Variants in TMPRSS7 observed in about 807,000 individuals in gnomAD.
TMPRSS7 encodes the protein transmembrane serine protease 7.
Under a neutral mutation model 95.6 loss-of-function variants are expected in TMPRSS7, and 81 were observed. The ratio of observed to expected loss-of-function variants is 0.85; its 90% CI spans 0.71 to 1.02. The LOEUF is 1.02. Among genes scored for constraint, TMPRSS7 ranks in the 50% least tolerant of loss-of-function variants. The pLI is 0.00. For synonymous variants in TMPRSS7, 364 were observed against 337.8 expected (o/e 1.08, Z -0.85); for missense variants, 945 against 955.2 (o/e 0.99, Z 0.14).
intron 1 of TMPRSS7, among the ~76,000 whole-genome samples, chr3:112,036,283 C>T (rs2073149458): frequency 6.6e-6 from 1 of 152,092 alleles, no homozygotes; most frequent in Non-Finnish European, 1.5e-5. Context: ...ACTAAAAGGA[C>T]TGTGGACAGG....
intron 10 of TMPRSS7, among the ~76,000 whole-genome samples, chr3:112,060,694 A>G (rs886833398): frequency 6.6e-6 from 1 of 152,174 alleles, no homozygotes; most frequent in East Asian, 1.9e-4. Context: ...TCAAACACAC[A>G]TGCTCTACAA....
intron 1 of TMPRSS7, among the ~76,000 whole-genome samples, chr3:112,035,487 C>T (rs2073144804): frequency 6.6e-6 from 1 of 151,868 alleles, no homozygotes; most frequent in Non-Finnish European, 1.5e-5. Context: ...TACGTGGCCA[C>T]GTATTATCCC....
intron 6 of TMPRSS7, 135 bp from the exon 7 acceptor site, chr3:112,047,604 G>A: frequency 1.5e-6 from 1 of 682,508 alleles, no homozygotes; most frequent in Admixed American, 2.3e-5. Context: ...CAGAAGGCAG[G>A]GAAGTGGACC....
exon 2 of TMPRSS7, chr3:112,038,158 G>GCCAGGGAGACGACTACCATTT: frequency 1.4e-6 from 1 of 702,808 alleles, no homozygotes; most frequent in Non-Finnish European, 2.6e-6. Context: ...GACTACCATT[G>GCCAGGGAGACGACTACCATTT]CCAGGAAGAC....
intron 13 of TMPRSS7, among the ~76,000 whole-genome samples, chr3:112,074,018 C>T (rs955048572): frequency 6.6e-6 from 1 of 152,166 alleles, no homozygotes; most frequent in Non-Finnish European, 1.5e-5. Flanking sequence ...ACTGATATGT[C>T]GCACTTCTTC....
intron 13 of TMPRSS7, among the ~76,000 whole-genome samples, chr3:112,072,565 C>G (rs2073662884): frequency 6.6e-6 from 1 of 152,244 alleles, no homozygotes; most frequent in Admixed American, 6.5e-5. Context: ...CAGCTATGCC[C>G]TGCCCACAGA....
intron 15 of TMPRSS7, 104 bp from the exon 16 acceptor site, chr3:112,076,771 AG>A: frequency 7.5e-7 from 1 of 1,339,924 alleles, no homozygotes; most frequent in Admixed American, 2.1e-5. Context: ...ACACCCTGGA[AG>A]TCAGGCCCTT....
At chr3:112,063,486 T>G in intron 11 of TMPRSS7, 39 bp from the exon 12 acceptor site, 1 of 1,512,202 alleles carries the variant, frequency 6.6e-7, no homozygotes, top group Non-Finnish European at 9.2e-7. Context: ...CAGGGATCTA[T>G]CCAAGATTTT....
chr3:112,048,076 C>A, intron 7 of TMPRSS7, 109 bp downstream of exon 7: 1 of 955,212 alleles, frequency 1.0e-6, no homozygotes, highest in African/African-American at 1.6e-5. Context: ...TTTGTGTGCA[C>A]ACATGAGGTC....
chr3:112,055,020 G>T (rs901860733), intron 9 of TMPRSS7, among the ~76,000 whole-genome samples: 1 of 152,062 alleles, frequency 6.6e-6, no homozygotes, highest in African/African-American at 2.4e-5. Flanking sequence ...GATGACAGGC[G>T]TGAGCCACTG....
At chr3:112,080,396 C>T (rs1325454007) in intron 17 of TMPRSS7, among the ~76,000 whole-genome samples, 2 of 152,136 alleles carry the variant, frequency 1.3e-5, no homozygotes. Flanking sequence ...ATGAGCTAAC[C>T]ACTAAAGTTG....
rs765369377 is a variant in TMPRSS7 at position 112,047,916 on chromosome 3, C to G, written c.908C>G (p.Ser303Cys). Residue 303 changes from serine to cysteine, a missense_variant, in exon 7 of 18, where the codon TCC (serine) becomes TGC (cysteine). Coordinates refer to ENST00000452346, the Ensembl canonical transcript of TMPRSS7. ...GAAGCCGACAACTGTGTCACTGACT[C>G]CCTGACCATTTACGACTCCCTTTTG... 19 of 1,613,948 alleles carry G rather than the reference C, an allele frequency of 1.2e-5. No individual in the cohort carries two copies. Among genetic ancestry groups the G allele is most frequent in the Non-Finnish European group, 1.5e-5 (18 of 1,180,012 alleles).
intron 15 of TMPRSS7, 61 bp downstream of exon 15, chr3:112,075,553 C>G: frequency 1.5e-6 from 2 of 1,296,210 alleles, no homozygotes; most frequent in Non-Finnish European, 2.0e-6. Context: ...ATATATCTGC[C>G]CTCAAATTGT....
intron 4 of TMPRSS7, 123 bp downstream of exon 4, chr3:112,044,445 C>T (rs1239635096): frequency 2.5e-6 from 2 of 810,382 alleles, no homozygotes; most frequent in Non-Finnish European, 4.1e-6. Context: ...GGGATTCATA[C>T]TGTATTAGCA....
At chr3:112,042,095 G>A (rs761085408) in intron 3 of TMPRSS7, 45 bp downstream of exon 3, 41 of 1,484,168 alleles carry the variant, frequency 2.8e-5, no homozygotes, top group Admixed American at 7.9e-5. Flanking sequence ...GTGGGTTTGC[G>A]GGGAGGTGGG....
chr3:112,064,877 A>C (rs780989515), intron 12 of TMPRSS7, among the ~76,000 whole-genome samples: 6 of 152,190 alleles, frequency 3.9e-5, no homozygotes, highest in African/African-American at 7.2e-5. Context: ...ACTATGTGAC[A>C]CCATTGGCAG....
chr3:112,061,111 T>C (rs2073499135), intron 10 of TMPRSS7, among the ~76,000 whole-genome samples: 1 of 152,154 alleles, frequency 6.6e-6, no homozygotes, highest in Non-Finnish European at 1.5e-5. Flanking sequence ...GGCGGTGGAC[T>C]AACTTACGGG....
At chr3:112,073,503 T>C (rs922228766) in intron 13 of TMPRSS7, among the ~76,000 whole-genome samples, 1 of 152,188 alleles carries the variant, frequency 6.6e-6, no homozygotes, top group Non-Finnish European at 1.5e-5. Context: ...TGATGAGCAT[T>C]TTTTCATGTG....
intron 5 of TMPRSS7, 45 bp downstream of exon 5, chr3:112,045,988 T>G (rs1266677186): frequency 6.9e-7 from 1 of 1,441,664 alleles, no homozygotes; most frequent in Non-Finnish European, 9.4e-7. Flanking sequence ...CCTGCAGGAC[T>G]CCTGATACTT....
Sources: allele counts gnomAD v4.1 joint callset (sites outside exome capture counted in the v4.1 genomes callset), GRCh38; gene constraint gnomAD v4.1.1; transcripts MANE v1.5; gene names NCBI Gene and HGNC (gene_info 2026-07-23, HGNC 2026-07-21).